Variants in DMD observed in about 807,000 individuals in gnomAD.
DMD encodes the protein mutant dystrophin.
In DMD, 63 loss-of-function variants were observed where a neutral mutation model predicts 330.1. That is an observed-to-expected ratio of 0.19 (90% CI 0.16 to 0.24). The LOEUF is 0.24. Among genes scored for constraint, DMD ranks in the 10% least tolerant of loss-of-function variants. The pLI, the probability that DMD is intolerant of heterozygous loss-of-function variation, is 1.00. For synonymous variants in DMD, 1,223 were observed against 959.8 expected, an observed-to-expected ratio of 1.27 and a Z score of -5.07; for missense variants, 3,344 against 2,684.1, an observed-to-expected ratio of 1.25 and a Z score of -5.43.
At chrX:31,441,308 T>C (rs775394217) in intron 60 of DMD, among the ~76,000 whole-genome samples, 2 of 111,812 alleles carry the variant, frequency 1.8e-5, no homozygotes, top group Admixed American at 9.5e-5. Context: ...GCAATTCTCC[T>C]GCCTCAGCCT....
chrX:32,848,221 G>A (rs777272017), intron 3 of DMD, among the ~76,000 whole-genome samples: 9 of 111,636 alleles, frequency 8.1e-5, no homozygotes, highest in South Asian at 7.5e-4. Flanking sequence ...GATTTTTCAC[G>A]AACATTTGGA....
chrX:32,189,072 A>G (rs1033232525), intron 44 of DMD, among the ~76,000 whole-genome samples: 7 of 111,180 alleles, frequency 6.3e-5, no homozygotes, highest in African/African-American at 2.3e-4. Context: ...AATAAAAGCT[A>G]TTATGTATCT....
chrX:32,666,991 T>C (rs762105435), intron 9 of DMD, among the ~76,000 whole-genome samples: 1 of 111,375 alleles, frequency 9.0e-6, no homozygotes, highest in South Asian at 3.8e-4. Context: ...TGAAGCATTG[T>C]TCACAGTAGC....
At chrX:32,807,122 T>TGAAA (rs1345640031) in intron 7 of DMD, among the ~76,000 whole-genome samples, 1 of 20,744 alleles carries the variant, frequency 4.8e-5, no homozygotes, top group African/African-American at 2.2e-4. Flanking sequence ...CGGAAACATT[T>TGAAA]AAAAAAAAAA....
Position 31,968,348 on chromosome X carries a change from CT to C in DMD, c.6604del (p.Arg2202GlufsTer5), listed in dbSNP as rs2095369359. The C allele has an allele frequency of 8.3e-7, 1 of 1,208,586 alleles. No homozygotes were observed. The highest frequency in any genetic ancestry group is 1.1e-6 in the Non-Finnish European group (1 of 894,348). ...AGATCTGTCGCCCTACCTCTTTTTTCTGTCTGACAGCTGTTTGCAGACCTCC... is the reference window on the plus strand; with the variant it reads ...AGATCTGTCGCCCTACCTCTTTTTTCGTCTGACAGCTGTTTGCAGACCTCC... Reference protein sequence around the residue: ...WQEVCKQLSDRKKRLEEQKNI... With the variant: ...WQEVCKQLSDXKKRLEEQKNI... On this transcript the variant is annotated frameshift_variant, in exon 45 of 79. Coordinates refer to ENST00000357033, the MANE Select transcript of DMD (RefSeq NM_004006.3). LOFTEE classifies it high-confidence loss of function.
At chrX:33,301,335 A>G (rs1041661297) in intron 1 of DMD, among the ~76,000 whole-genome samples, 2 of 111,576 alleles carry the variant, frequency 1.8e-5, no homozygotes, top group South Asian at 3.8e-4. Context: ...AACAGACAGA[A>G]ATAGGTGGCT....
Position 32,441,305 on chromosome X carries a change from C to T in DMD, c.3796G>A (p.Ala1266Thr), listed in dbSNP as rs2098280680. 2.5e-6 allele frequency: 3 copies of T among 1,203,654 alleles called. No individual in the cohort carries two copies. The highest frequency in any genetic ancestry group is 1.8e-5 in the South Asian group (1 of 56,631). The change falls in exon 28 of 79, where the codon GCA becomes ACA. Residue 1266 changes from alanine (A) to threonine (T), a missense_variant. Physicochemically the swap from Ala to Thr is moderately conservative, Grantham distance 58. Transcript: ENST00000357033. ...GKCKTLEEVW[A>T]CWHELLSYLE... ...TATGACAATAACTCATGCCAACATG[C>T]CCAAACTTCCTAAGAAAGAAATATA... is the stretch of plus-strand genomic sequence containing the variant.
At chrX:31,493,460 A>G (rs1279961230) in intron 57 of DMD, among the ~76,000 whole-genome samples, 1 of 112,335 alleles carries the variant, frequency 8.9e-6, no homozygotes, top group Non-Finnish European at 1.9e-5. Flanking sequence ...CCAGGATATT[A>G]TGAGTGGGTG....
At chrX:33,279,715 C>A (rs974149846) in intron 1 of DMD, among the ~76,000 whole-genome samples, 2 of 111,309 alleles carry the variant, frequency 1.8e-5, no homozygotes, top group Non-Finnish European at 3.8e-5. Context: ...GCTTCCTTGC[C>A]AGCATCTGGT....
intron 54 of DMD, among the ~76,000 whole-genome samples, chrX:31,640,321 A>C (rs1369528470): frequency 8.9e-6 from 1 of 112,536 alleles, no homozygotes; most frequent in Non-Finnish European, 1.9e-5. Context: ...GCAAAAAGGC[A>C]ACAAACACGC....
At chrX:32,590,160 T>A (rs2054738481) in intron 13 of DMD, among the ~76,000 whole-genome samples, 1 of 112,322 alleles carries the variant, frequency 8.9e-6, no homozygotes, top group East Asian at 2.8e-4. Flanking sequence ...TTGGTTTACA[T>A]GACTCAATTT....
chrX:32,953,204 C>T (rs1244959427), intron 2 of DMD, among the ~76,000 whole-genome samples: 4 of 108,970 alleles, frequency 3.7e-5, no homozygotes, highest in African/African-American at 1.3e-4. Context: ...AGACCAGACT[C>T]ATTTTTATAT....
At chrX:31,822,275 A>G (rs1461739539) in intron 49 of DMD, among the ~76,000 whole-genome samples, 1 of 112,123 alleles carries the variant, frequency 8.9e-6, no homozygotes, top group Non-Finnish European at 1.9e-5. Context: ...AGAAGGGGCC[A>G]TTCAAGCGCC....
intron 44 of DMD, among the ~76,000 whole-genome samples, chrX:32,091,095 A>G (rs2096471461): frequency 8.9e-6 from 1 of 112,285 alleles, no homozygotes; most frequent in Non-Finnish European, 1.9e-5. Flanking sequence ...GCGTAGCAGC[A>G]GCAGATGATT....
At chrX:31,881,265 T>C (rs2094059441) in intron 47 of DMD, among the ~76,000 whole-genome samples, 1 of 109,787 alleles carries the variant, frequency 9.1e-6, no homozygotes, top group Non-Finnish European at 1.9e-5. Flanking sequence ...TTAATGAAAA[T>C]AAATGGGCCA....
At chrX:32,247,576 T>A (rs1488170366) in intron 43 of DMD, among the ~76,000 whole-genome samples, 1 of 111,692 alleles carries the variant, frequency 9.0e-6, no homozygotes, top group Admixed American at 9.6e-5. Context: ...TTCCATTATC[T>A]GGTTAATTTC....
intron 44 of DMD, among the ~76,000 whole-genome samples, chrX:32,125,059 G>C (rs937388906): frequency 9.0e-6 from 1 of 110,541 alleles, no homozygotes; most frequent in African/African-American, 3.3e-5. Context: ...GCAAAGGACA[G>C]ACTATGCAAA....
intron 9 of DMD, among the ~76,000 whole-genome samples, chrX:32,668,803 TGAAGA>T (rs1448541648): frequency 4.5e-5 from 5 of 110,483 alleles, no homozygotes; most frequent in Non-Finnish European, 9.5e-5. Context: ...ACTACGGCAT[TGAAGA>T]GAATTAAGTA....
chrX:31,378,185 C>A (rs187083374), intron 60 of DMD, among the ~76,000 whole-genome samples: 369 of 111,737 alleles, frequency 3.3e-3, no homozygotes, highest in African/African-American at 0.011. Context: ...TTGGTGCCAT[C>A]ACTCGGATCA....
Sources: allele counts gnomAD v4.1 joint callset (sites outside exome capture counted in the v4.1 genomes callset), GRCh38; gene constraint gnomAD v4.1.1; transcripts MANE v1.5; gene names NCBI Gene and HGNC (gene_info 2026-07-23, HGNC 2026-07-21).